The following COL22A1 variants were observed in gnomAD, a reference collection of about 807,000 sequenced individuals.
COL22A1 encodes collagen type XXII alpha 1 chain.
Under a neutral mutation model 248.9 loss-of-function variants are expected in COL22A1, and 221 were observed. The ratio of observed to expected loss-of-function variants is 0.89; its 90% confidence interval spans 0.80 to 0.99. The LOEUF is 0.99. Ranked by LOEUF, COL22A1 falls within the 50% of genes least tolerant of loss-of-function variation. COL22A1 has a pLI of 0.00. For missense variants in COL22A1, 2,240 were observed against 2,179.0 expected (o/e 1.03, Z -0.56); for synonymous variants, 891 against 793.4 (o/e 1.12, Z -2.07).
At chr8:138,591,142 C>T (rs1387442918) in intron 64 of COL22A1, among the ~76,000 whole-genome samples, 2 of 152,114 alleles carry the variant, frequency 1.3e-5, no homozygotes, top group Non-Finnish European at 2.9e-5. Flanking sequence ...CTGATTTAGC[C>T]CAAGTCAATT....
At chr8:138,838,446 A>G (rs1820603305) in intron 4 of COL22A1, among the ~76,000 whole-genome samples, 1 of 152,154 alleles carries the variant, frequency 6.6e-6, no homozygotes, top group African/African-American at 2.4e-5. Context: ...CCGATCCTCT[A>G]CTTCACAGCA....
At chr8:138,886,848 G>C (rs925332720) in intron 1 of COL22A1, among the ~76,000 whole-genome samples, 4 of 152,162 alleles carry the variant, frequency 2.6e-5, no homozygotes, top group Admixed American at 6.5e-5. Flanking sequence ...GTCGCAGGCT[G>C]TTCTCCATCC....
intron 41 of COL22A1, among the ~76,000 whole-genome samples, chr8:138,664,201 GCGCGCGCGCA>G (rs1347702831): frequency 1.2e-3 from 105 of 87,870 alleles, no homozygotes; most frequent in African/African-American, 4.0e-3. Context: ...GGGTGCGCGC[GCGCGCGCGCA>G]CACACACACA....
chr8:138,797,366 T>C (rs573007861), intron 11 of COL22A1, among the ~76,000 whole-genome samples: 2 of 152,344 alleles, frequency 1.3e-5, no homozygotes, highest in Admixed American at 6.5e-5. Context: ...TGGCCTTTTA[T>C]GATTGGCTTA....
rs190744012 is a variant in COL22A1, at chr8:138,906,211, A to C, written c.-73+7408T>G. ...CGGTGAAACCCCGTCTCTACTAAAA[A>C]TACAAAAAATTAGCCAGGCATGGTG... is the stretch of plus-strand genomic sequence containing the variant. On this transcript the variant is annotated intron_variant, in intron 1 of 64. Coordinates refer to ENST00000303045, the MANE Select transcript of COL22A1 (RefSeq NM_152888.3). Among the ~76,000 whole-genome samples the C allele has an allele frequency of 6.8e-3, 1,031 of 152,272 alleles. 12 individuals carry two copies. Among genetic ancestry groups the C allele is most frequent in the African/African-American group, 0.024 (981 of 41,542 alleles).
In COL22A1 at chr8:138,679,628, GC is replaced by G; in HGVS notation, c.3060del (p.Gln1021AsnfsTer86). ...VRGSENCALG[G>X]QCVKGDRGAP... ...AGATCTTCACTGACCTTAACACATTGCCCTCCCAGTGCACAGTTTTCTGACC... is the reference window on the plus strand; with the variant it reads ...AGATCTTCACTGACCTTAACACATTGCCTCCCAGTGCACAGTTTTCTGACC... On this transcript the variant is annotated frameshift_variant, in exon 40 of 65. Transcript: ENST00000303045. LOFTEE classifies it high-confidence loss of function. 1 of 1,613,774 alleles carries G rather than the reference GC, an allele frequency of 6.2e-7. No individual in the cohort carries two copies. Among genetic ancestry groups the G allele is most frequent in the Non-Finnish European group, 8.5e-7 (1 of 1,179,826 alleles).
chr8:138,899,111 TTC>T (rs1307253540), intron 1 of COL22A1, among the ~76,000 whole-genome samples: 1 of 152,166 alleles, frequency 6.6e-6, no homozygotes, highest in Non-Finnish European at 1.5e-5. Context: ...TCCTGCTGCT[TTC>T]TCTCTTCTTC....
At chr8:138,866,428 T>A (rs77048067) in intron 3 of COL22A1, among the ~76,000 whole-genome samples, 2,747 of 152,352 alleles carry the variant, frequency 0.018, 32 homozygotes, top group Middle Eastern at 0.031. Context: ...TAGGTGTATG[T>A]CCTTTTACAA....
chr8:138,624,573 C>G (rs1014888786), intron 51 of COL22A1, among the ~76,000 whole-genome samples: 24 of 152,212 alleles, frequency 1.6e-4, no homozygotes, highest in Non-Finnish European at 2.2e-4. Context: ...TACTCTAGAA[C>G]TTTGATAACG....
chr8:138,676,088 C>A (rs1825480884), intron 41 of COL22A1, among the ~76,000 whole-genome samples: 1 of 151,972 alleles, frequency 6.6e-6, no homozygotes, highest in South Asian at 2.1e-4. Context: ...TAAACTAACA[C>A]CTAGTAGACT....
At chr8:138,632,938 T>A (rs989492574) in intron 49 of COL22A1, among the ~76,000 whole-genome samples, 2 of 152,092 alleles carry the variant, frequency 1.3e-5, no homozygotes, top group African/African-American at 4.8e-5. Flanking sequence ...TGAAAAAAAA[T>A]TCCCTACTGC....
chr8:138,878,192 G>A lies in COL22A1; in HGVS notation c.216C>T (p.Pro72=), dbSNP rs139880147. The A allele has an allele frequency of 1.7e-5, 28 of 1,600,832 alleles. 1 individual carries two copies. Among genetic ancestry groups the A allele is most frequent in the Middle Eastern group, 1.7e-4 (1 of 6,048 alleles). The change falls in exon 3 of 65, where the codon CCC becomes CCT. Residue 72 remains proline (P), a synonymous_variant. Coordinates refer to ENST00000303045, the MANE Select transcript of COL22A1 (RefSeq NM_152888.3). ...GCACGACCCCCACACGGGTGCGGTC[G>A]GGGCCCACCTCGAAGGTGTCCACCA... The part of the protein sequence containing the change: ...ANLVDTFEVG[P]DRTRVGVVRY...
intron 22 of COL22A1, among the ~76,000 whole-genome samples, chr8:138,748,366 A>T (rs1157629338): frequency 1.3e-5 from 2 of 152,244 alleles, no homozygotes; most frequent in East Asian, 3.9e-4. Context: ...AGCATTTAGC[A>T]GAGTGTCTGT....
chr8:138,589,491 G>A, intron 64 of COL22A1, 51 bp from the exon 65 acceptor site: 1 of 1,393,922 alleles, frequency 7.2e-7, no homozygotes, highest in Non-Finnish European at 9.5e-7. Flanking sequence ...CCTTCTGGGA[G>A]GGGATGGGCC....
At chr8:138,649,852 C>T (rs1822541940) in intron 45 of COL22A1, 74 bp from the exon 46 acceptor site, 1 of 900,026 alleles carries the variant, frequency 1.1e-6, no homozygotes, top group East Asian at 2.6e-5. Context: ...AGCAAAGTAG[C>T]CCTGGCTGCT....
rs565324118 is a variant in COL22A1, at chr8:138,697,525, C to G, written c.2592+2587G>C. Reference sequence around the variant, plus strand: ...TCTGCAGACCCCAGGGATATGCACACCATCAAACAGCCTGCTCTGTCCTCT... The same window carrying G: ...TCTGCAGACCCCAGGGATATGCACAGCATCAAACAGCCTGCTCTGTCCTCT... On this transcript the variant is annotated intron_variant, in intron 32 of 64. Coordinates refer to ENST00000303045, the MANE Select transcript of COL22A1 (RefSeq NM_152888.3). 5.9e-5 allele frequency among the ~76,000 whole-genome samples: 9 copies of G among 152,322 alleles called. No homozygotes were observed. The South Asian group carries it at 1.4e-3, about 25-fold the overall frequency.
chr8:138,706,349 A>C (rs1828444962), intron 30 of COL22A1, among the ~76,000 whole-genome samples: 1 of 152,216 alleles, frequency 6.6e-6, no homozygotes, highest in Non-Finnish European at 1.5e-5. Context: ...TCTCAGCACC[A>C]CATCTCATTC....
chr8:138,802,144 G>A (rs1316168059), intron 11 of COL22A1, among the ~76,000 whole-genome samples: 4 of 152,046 alleles, frequency 2.6e-5, no homozygotes, highest in African/African-American at 4.8e-5. Context: ...TTTTACAGAT[G>A]AGAAAACTAA....
At chr8:138,693,261 T>A (rs748249663) in intron 35 of COL22A1, among the ~76,000 whole-genome samples, 3 of 152,162 alleles carry the variant, frequency 2.0e-5, no homozygotes, top group Non-Finnish European at 4.4e-5. Context: ...TGTGTGTGTG[T>A]GTGTGCACCT....
Sources: allele counts gnomAD v4.1 joint callset (sites outside exome capture counted in the v4.1 genomes callset), GRCh38; gene constraint gnomAD v4.1.1; transcripts MANE v1.5; gene names NCBI Gene and HGNC (gene_info 2026-07-23, HGNC 2026-07-21).